Variants in LZTS3 observed in about 807,000 individuals in gnomAD.
LZTS3 encodes the protein leucine zipper tumor suppressor family member 3.
LZTS3 carries 16 observed loss-of-function variants against 50.9 expected under a neutral mutation model. The ratio of observed to expected loss-of-function variants is 0.31; its 90% CI spans 0.21 to 0.48. The LOEUF is 0.48. Ranked by LOEUF, LZTS3 falls within the 20% of genes least tolerant of loss-of-function variation. The pLI is 0.99. For missense variants in LZTS3, 816 were observed against 931.0 expected (o/e 0.88, Z 1.61); for synonymous variants, 408 against 410.6 (o/e 0.99, Z 0.08).
Position 3,166,282 on chromosome 20 carries a change from G to C in LZTS3, c.538C>G (p.Pro180Ala), listed in dbSNP as rs779936931. 2 of 1,614,052 alleles carry C rather than the reference G, an allele frequency of 1.2e-6. No homozygotes were observed. Among genetic ancestry groups the C allele is most frequent in the Non-Finnish European group, 8.5e-7 (1 of 1,179,968 alleles). Residue 180 changes from proline (P) to alanine (A), a missense_variant, in exon 4 of 5, where the codon CCC becomes GCC. Transcript: ENST00000337576. ...TCAGGAGTCCCATTGGTCTGCGGGGGGCACAAATTCTGCATGGAGTGGAAA... is the reference window on the plus strand; with the variant it reads ...TCAGGAGTCCCATTGGTCTGCGGGGCGCACAAATTCTGCATGGAGTGGAAA... Reference protein sequence around the residue: ...KNFHSMQNLCPPQTNGTPEGR... With the variant: ...KNFHSMQNLCAPQTNGTPEGR...
intron 2 of LZTS3, 97 bp downstream of exon 2, chr20:3,167,641 T>C: frequency 1.0e-6 from 1 of 989,116 alleles, no homozygotes; most frequent in Non-Finnish European, 1.2e-6. Context: ...GAGCAGTACC[T>C]GAATCCAACA....
At chr20:3,172,811 G>A (rs1459723802) in intron 1 of LZTS3, among the ~76,000 whole-genome samples, 1 of 152,210 alleles carries the variant, frequency 6.6e-6, no homozygotes, top group Non-Finnish European at 1.5e-5. Flanking sequence ...GCAGGACTGA[G>A]GGAGGAAAGG....
chr20:3,168,933 TCTTCTGGCCC>T (rs1432365982), intron 1 of LZTS3, among the ~76,000 whole-genome samples: 1 of 151,912 alleles, frequency 6.6e-6, no homozygotes, highest in African/African-American at 2.4e-5. Context: ...CCTTCGGGAG[TCTTCTGGCCC>T]CCACACCAGG....
intron 1 of LZTS3, among the ~76,000 whole-genome samples, chr20:3,172,197 C>A (rs2066910238): frequency 6.6e-6 from 1 of 152,222 alleles, no homozygotes; most frequent in South Asian, 2.1e-4. Flanking sequence ...CCAAATCCTT[C>A]CATGAGCAAG....
chr20:3,170,352 G>T lies in LZTS3; in HGVS notation c.-242-2391C>A, dbSNP rs562483184. On this transcript the variant is annotated intron_variant, in intron 1 of 4. Transcript: ENST00000337576. ...TAAAAATACAAAAAATTAGCTGGGC[G>T]TGGTGGTGCGCGCCTGTAATCCCCT... is the stretch of plus-strand genomic sequence containing the variant. Among the ~76,000 whole-genome samples the T allele has an allele frequency of 9.0e-4, 137 of 151,680 alleles. 2 individuals carry two copies. Among genetic ancestry groups the T allele is most frequent in the Non-Finnish European group, 1.5e-3 (102 of 67,960 alleles).
In LZTS3 at chr20:3,164,713, C is replaced by G. The variant is rs1242102335; in HGVS notation, c.1763G>C (p.Arg588Pro). Residue 588 changes from arginine to proline, a missense_variant, in exon 5 of 5, where the codon CGG becomes CCG. Arg to Pro is a moderately radical substitution (Grantham distance 103). Coordinates refer to ENST00000337576, the MANE Select transcript of LZTS3 (RefSeq NM_001365618.1). ...GRLQAELAAE[R>P]RARERQGASF... Reference sequence around the variant, plus strand: ...GGCACCCTGGCGCTCCCGGGCCCGCCGCTCAGCCGCCAGCTCGGCCTGCAG... The same window carrying G: ...GGCACCCTGGCGCTCCCGGGCCCGCGGCTCAGCCGCCAGCTCGGCCTGCAG... 6.4e-7 allele frequency: 1 copy of G among 1,572,774 alleles called. No individual in the cohort carries two copies. Among genetic ancestry groups the G allele is most frequent in the Non-Finnish European group, 8.6e-7 (1 of 1,161,458 alleles).
At position 3,166,115 on chromosome 20, in the gene LZTS3, G is replaced by T; in HGVS notation, c.705C>A (p.Ser235Arg). The change falls in exon 4 of 5, where the codon AGC becomes AGA. Residue 235 changes from serine (S) to arginine (R), a missense_variant. Physicochemically the swap from Ser to Arg is moderately radical, Grantham distance 110 (BLOSUM62 -1). Transcript: ENST00000337576. ...AGGCACTGAGGGGTGCCAGGTGCTGGCTGTAGCTGGAGCTGTAGGTGGGCA... is the reference window on the plus strand; with the variant it reads ...AGGCACTGAGGGGTGCCAGGTGCTGTCTGTAGCTGGAGCTGTAGGTGGGCA... Reference protein sequence around the residue: ...TSLPTYSSSYSQHLAPLSAST... With the variant: ...TSLPTYSSSYRQHLAPLSAST... 1 of 1,612,750 alleles carries T rather than the reference G, an allele frequency of 6.2e-7. No homozygotes were observed. The highest frequency in any genetic ancestry group is 1.3e-5 in the African/African-American group (1 of 75,058).
rs1265716064 is a variant in LZTS3, at chr20:3,167,164, G to A, written c.-1C>T. The A allele has an allele frequency of 1.4e-6, 2 of 1,470,994 alleles. No homozygotes were observed. Among genetic ancestry groups the A allele is most frequent in the Non-Finnish European group, 1.8e-6 (2 of 1,116,398 alleles). 91.1% of individuals were successfully genotyped at this position (1,470,994 alleles called of 1,614,324 possible). Reference sequence around the variant, plus strand: ...CAGGCAGCGTCTCCAGCTTCGCCATGACTAAGCCAGGGGGGCACTGTGGGC... The same window carrying A: ...CAGGCAGCGTCTCCAGCTTCGCCATAACTAAGCCAGGGGGGCACTGTGGGC... On this transcript the variant is annotated 5_prime_UTR_variant, in exon 3 of 5. Transcript: ENST00000337576.
At position 3,164,846 on chromosome 20, in the gene LZTS3, G is replaced by C. The variant is rs1268578586; in HGVS notation, c.1630C>G (p.Arg544Gly). The C allele has an allele frequency of 1.8e-5, 28 of 1,553,386 alleles. No individual in the cohort carries two copies. Among genetic ancestry groups the C allele is most frequent in the Non-Finnish European group, 2.3e-5 (26 of 1,155,188 alleles). ...GCAGCGGCCACCCCGGCCTGACGGC[G>C]CATCTTAGCCTCGTCGCTCTCGCAG... ...ATCESDEAKMRRQAGVAAAAS... is the reference protein window; with the variant it reads ...ATCESDEAKMGRQAGVAAAAS... Residue 544 changes from arginine to glycine, a missense_variant, in exon 5 of 5, where the codon CGC becomes GGC. Arg to Gly is a moderately radical substitution (Grantham distance 125). This residue lies in a region of LZTS3 where 700 missense variants were observed against 769.4 expected (regional missense o/e 0.91). Transcript: ENST00000337576.
intron 1 of LZTS3, among the ~76,000 whole-genome samples, chr20:3,169,989 A>G (rs913097636): frequency 1.6e-4 from 25 of 151,902 alleles, no homozygotes; most frequent in Admixed American, 9.8e-4. Context: ...GCAAAGCCCC[A>G]GAAGTCTGGA....
intron 1 of LZTS3, among the ~76,000 whole-genome samples, chr20:3,171,518 A>G (rs894178321): frequency 9.9e-5 from 15 of 152,078 alleles, no homozygotes; most frequent in African/African-American, 3.4e-4. Flanking sequence ...CCCAGCAGAT[A>G]GCCGGGCGTC....
In LZTS3 at chr20:3,171,703, A is replaced by G. The variant is rs748924243; in HGVS notation, c.-243+1752T>C. Among the ~76,000 whole-genome samples, 276 of 151,566 alleles carry G rather than the reference A, an allele frequency of 1.8e-3. 1 individual carries two copies. The highest frequency in any genetic ancestry group is 3.2e-3 in the Non-Finnish European group (218 of 67,938). ...AAAATCCCAGCAGGACACCGGCAGGACAAGGAAGGGGATGTTTCCCTGGTA... is the reference window on the plus strand; with the variant it reads ...AAAATCCCAGCAGGACACCGGCAGGGCAAGGAAGGGGATGTTTCCCTGGTA... On this transcript the variant is annotated intron_variant, in intron 1 of 4. Coordinates refer to ENST00000337576, the MANE Select transcript of LZTS3 (RefSeq NM_001365618.1).
chr20:3,167,964 G>GCCTCAGGGTCCGGCGCGGGGTCTC lies in LZTS3; in HGVS notation c.-242-4_-242-3insGAGACCCCGCGCCGGACCCTGAGG. On this transcript the variant is annotated splice_region_variant and splice_polypyrimidine_tract_variant and intron_variant, in intron 1 of 4. Transcript: ENST00000337576. ...ATCCCGGACTGCAGTTTTCTCCTCTGCGAAATGGGAGGAATGAAGGACCTA... is the reference window on the plus strand; with the variant it reads ...ATCCCGGACTGCAGTTTTCTCCTCTGCCTCAGGGTCCGGCGCGGGGTCTCCGAAATGGGAGGAATGAAGGACCTA... 1 of 669,524 alleles carries GCCTCAGGGTCCGGCGCGGGGTCTC rather than the reference G, an allele frequency of 1.5e-6. No homozygotes were observed. Among genetic ancestry groups the GCCTCAGGGTCCGGCGCGGGGTCTC allele is most frequent in the Non-Finnish European group, 1.8e-6 (1 of 541,396 alleles). The allele number at this position is 669,524 out of a possible 1,614,324, so 41.5% of individuals were successfully genotyped here.
rs1555768550 is a variant in LZTS3, at chr20:3,170,490, A to AAAAAAAAAC, written c.-242-2530_-242-2529insGTTTTTTTT. Reference sequence around the variant, plus strand: ...GAAGACAGAGCGAGACTACATCAAAAAAAAAAAAAAAAAAAACAGGTTGGC... The same window carrying AAAAAAAAAC: ...GAAGACAGAGCGAGACTACATCAAAAAAAAAAAACAAAAAAAAAAAAAAAACAGGTTGGC... On this transcript the variant is annotated intron_variant, in intron 1 of 4. Coordinates refer to ENST00000337576, the MANE Select transcript of LZTS3 (RefSeq NM_001365618.1). 1.3e-3 allele frequency among the ~76,000 whole-genome samples: 189 copies of AAAAAAAAAC among 144,828 alleles called. 4 individuals are homozygous for AAAAAAAAAC. The highest frequency in any genetic ancestry group is 0.012 in the East Asian group (53 of 4,476).
In LZTS3 at chr20:3,166,249, G is replaced by T. The variant is rs1172470796; in HGVS notation, c.571C>A (p.Gln191Lys). The T allele has an allele frequency of 1.2e-6, 2 of 1,613,680 alleles. No homozygotes were observed. Among genetic ancestry groups the T allele is most frequent in the East Asian group, 4.5e-5 (2 of 44,886 alleles). ...PQTNGTPEGR[Q>K]GPGGLKGGLD... ...CCGCCTTTGAGGCCACCAGGGCCCT[G>T]CCGTCCCTCAGGAGTCCCATTGGTC... Residue 191 changes from glutamine (Q) to lysine (K), a missense_variant, in exon 4 of 5, where the codon CAG (glutamine) becomes AAG (lysine). Coordinates refer to ENST00000337576, the MANE Select transcript of LZTS3 (RefSeq NM_001365618.1).
Position 3,165,082 on chromosome 20 carries a change from T to A in LZTS3, c.1394A>T (p.Gln465Leu). The A allele has an allele frequency of 1.3e-6, 2 of 1,592,106 alleles. No individual in the cohort carries two copies. Among genetic ancestry groups the A allele is most frequent in the South Asian group, 2.3e-5 (2 of 87,804 alleles). Reference protein sequence around the residue: ...QLKDSQADVSQKLSEIVGLRS... With the variant: ...QLKDSQADVSLKLSEIVGLRS... Reference sequence around the variant, plus strand: ...CAGTCCCACGATCTCACTCAACTTCTGCGACACATCCGCCTGCGAGTCCTT... The same window carrying A: ...CAGTCCCACGATCTCACTCAACTTCAGCGACACATCCGCCTGCGAGTCCTT... Residue 465 changes from glutamine (Q) to leucine (L), a missense_variant, in exon 5 of 5, where the codon CAG (glutamine) becomes CTG (leucine). By Grantham distance (113) the Gln-to-Leu change is moderately radical. Transcript: ENST00000337576. This position sits in a 1 kb window ranked among gnomAD's most constrained non-coding sequence, Gnocchi z 5.0.
chr20:3,170,207 G>T (rs571740259), intron 1 of LZTS3, among the ~76,000 whole-genome samples: 23 of 152,244 alleles, frequency 1.5e-4, no homozygotes, highest in African/African-American at 5.5e-4. Flanking sequence ...AGTGGTACAA[G>T]TGCCGGATGC....
At chr20:3,167,257 G>A in intron 2 of LZTS3, 76 bp from the exon 3 acceptor site, 1 of 1,419,228 alleles carries the variant, frequency 7.0e-7, no homozygotes, top group Non-Finnish European at 9.2e-7. Flanking sequence ...AGTCAACCCG[G>A]CACCGCTCTG....
rs767556161 is a variant in LZTS3 at position 3,166,992 on chromosome 20, G to A, written c.172C>T (p.Arg58Cys). ...QEFAMKSVGT[R>C]TGGGGSQGSF... ...CCCTGGCTGCCCCCACCCCCTGTGC[G>A]GGTACCCACGCTCTTCATGGCAAAC... The change falls in exon 3 of 5, where the codon CGC becomes TGC. Residue 58 changes from arginine (R) to cysteine (C), a missense_variant. Physicochemically the swap from Arg to Cys is radical, Grantham distance 180 (BLOSUM62 -3). Coordinates refer to ENST00000337576, the MANE Select transcript of LZTS3 (RefSeq NM_001365618.1). 14 of 1,596,394 alleles carry A rather than the reference G, an allele frequency of 8.8e-6. No homozygotes were observed. Among genetic ancestry groups the A allele is most frequent in the Middle Eastern group, 1.6e-4 (1 of 6,068 alleles).
Sources: gnomAD v4.1 joint callset for allele counts (sites outside exome capture counted in the v4.1 genomes callset) on GRCh38, gnomAD v4.1.1 for gene constraint, gnomAD v4.1.1 regional missense constraint, Gnocchi (gnomAD v3.1) non-coding constraint, MANE v1.5 for transcripts, NCBI Gene and HGNC (gene_info 2026-07-23, HGNC 2026-07-21) for gene names.